The following DZIP3 variants were observed in gnomAD, a reference collection of about 807,000 sequenced individuals.
The protein encoded by DZIP3 is E3 ubiquitin-protein ligase DZIP3.
Under a neutral mutation model 162.0 loss-of-function variants are expected in DZIP3, and 118 were observed. The observed-to-expected ratio is 0.73, with a 90% confidence interval of 0.63 to 0.85. DZIP3 has a LOEUF of 0.85. DZIP3 is among the 40% of genes least tolerant of loss of function. DZIP3 has a pLI of 0.00. For synonymous variants in DZIP3, 438 were observed against 458.6 expected (o/e 0.96, Z 0.57); for missense variants, 1,331 against 1,407.0 (o/e 0.95, Z 0.86).
intron 12 of DZIP3, among the ~76,000 whole-genome samples, chr3:108,641,884 C>G (rs561263621): frequency 1.3e-5 from 2 of 152,260 alleles, no homozygotes; most frequent in South Asian, 2.1e-4. Context: ...ATTTCAAAGC[C>G]AAGCCATCTG....
chr3:108,597,136 C>T (rs941111196), intron 1 of DZIP3, among the ~76,000 whole-genome samples: 36 of 152,172 alleles, frequency 2.4e-4, no homozygotes, highest in African/African-American at 8.7e-4. Flanking sequence ...AATTAATTCT[C>T]CTTTTACAAT....
At chr3:108,603,449 ATC>A (rs1168482585) in intron 1 of DZIP3, among the ~76,000 whole-genome samples, 1 of 152,202 alleles carries the variant, frequency 6.6e-6, no homozygotes. Flanking sequence ...TGTATCTTTC[ATC>A]AGTATTTGAA....
chr3:108,635,140 G>A (rs1025307543), intron 10 of DZIP3, among the ~76,000 whole-genome samples, 168 bp downstream of exon 10: 2 of 150,400 alleles, frequency 1.3e-5, no homozygotes, highest in Admixed American at 1.3e-4. Context: ...AATTCTCTCT[G>A]ATGCTTATCT....
intron 5 of DZIP3, among the ~76,000 whole-genome samples, chr3:108,618,650 A>G (rs755333686): frequency 1.1e-4 from 16 of 152,216 alleles, no homozygotes; most frequent in East Asian, 1.9e-4. Flanking sequence ...ACACACGTCT[A>G]TCTCCACTGA....
chr3:108,660,800 C>CAAAG (rs1241835089), intron 19 of DZIP3, among the ~76,000 whole-genome samples: 1 of 151,472 alleles, frequency 6.6e-6, no homozygotes, highest in East Asian at 1.9e-4. Context: ...AAGAAAAAAA[C>CAAAG]AACCCCATCA....
At chr3:108,653,660 T>C (rs1238098856) in intron 18 of DZIP3, among the ~76,000 whole-genome samples, 1 of 151,702 alleles carries the variant, frequency 6.6e-6, no homozygotes, top group Non-Finnish European at 1.5e-5. Context: ...TTTTACAGTC[T>C]ATTTTATGAT....
intron 4 of DZIP3, among the ~76,000 whole-genome samples, chr3:108,615,122 T>TTTAA (rs1940933433): frequency 6.6e-6 from 1 of 152,348 alleles, no homozygotes; most frequent in South Asian, 2.1e-4. Context: ...AATATGGCAA[T>TTTAA]TACTTTAATG....
chr3:108,677,564 A>G lies in DZIP3; in HGVS notation c.2849A>G (p.Gln950Arg). The G allele has an allele frequency of 1.9e-6, 3 of 1,612,708 alleles. No individual in the cohort carries two copies. Among genetic ancestry groups the G allele is most frequent in the South Asian group, 1.1e-5 (1 of 91,052 alleles). The change falls in exon 26 of 33, where the codon CAG becomes CGG. Residue 950 changes from glutamine (Q) to arginine (R), a missense_variant. Around this residue, in one of 2 missense-constraint regions of DZIP3, gnomAD observed 1,278 missense variants for 1,317.1 expected, o/e 0.97. Coordinates refer to ENST00000361582, the MANE Select transcript of DZIP3 (RefSeq NM_014648.4). Reference protein sequence around the residue: ...GFALSTLPPVQLPPPPPSPEI... With the variant: ...GFALSTLPPVRLPPPPPSPEI... Reference sequence around the variant, plus strand: ...GCCTTGAGTACCTTGCCTCCAGTCCAGCTTCCTCCTCCACCACCCAGTCCT... The same window carrying G: ...GCCTTGAGTACCTTGCCTCCAGTCCGGCTTCCTCCTCCACCACCCAGTCCT...
chr3:108,622,876 C>CTGTG (rs772538913), intron 5 of DZIP3, among the ~76,000 whole-genome samples: 158 of 87,364 alleles, frequency 1.8e-3, no homozygotes, highest in South Asian at 3.3e-3. Context: ...CTCTCTCTCT[C>CTGTG]TCTCTGTGTG....
chr3:108,597,532 A>G (rs942922643), intron 1 of DZIP3, among the ~76,000 whole-genome samples: 3 of 152,184 alleles, frequency 2.0e-5, no homozygotes, highest in Non-Finnish European at 1.5e-5. Context: ...TATTTCTTGA[A>G]GACCTATCTT....
chr3:108,663,327 C>T (rs907439275), intron 21 of DZIP3, among the ~76,000 whole-genome samples: 1 of 152,038 alleles, frequency 6.6e-6, no homozygotes. Flanking sequence ...GAGGCTGAGG[C>T]GGGTGGATCA....
In DZIP3 at chr3:108,688,102, A is replaced by G; in HGVS notation, c.3270+6A>G. ...TTGACCCCAAAAAGTCTCAGGTAAA[A>G]TGCAAAAACAACCAAAAAACCTGTA... On this transcript the variant is annotated splice_donor_region_variant and intron_variant, in intron 29 of 32. Transcript: ENST00000361582. The G allele has an allele frequency of 1.9e-6, 3 of 1,612,726 alleles. No individual in the cohort carries two copies. Among genetic ancestry groups the G allele is most frequent in the South Asian group, 1.1e-5 (1 of 91,002 alleles).
chr3:108,644,385 C>G lies in DZIP3; in HGVS notation c.1363C>G (p.Pro455Ala). The change falls in exon 14 of 33, where the codon CCT (proline) becomes GCT (alanine). Residue 455 changes from proline (P) to alanine (A), a missense_variant. By Grantham distance (27) the Pro-to-Ala change is conservative (BLOSUM62 -1). Transcript: ENST00000361582. ...LGGSWHLLYP[P>A]NKELPQSKQF... ...TGGATCATGGCATCTGCTTTATCCT[C>G]CTAACAAGGAGTTACCGCAATCCAA... The G allele has an allele frequency of 6.2e-7, 1 of 1,614,042 alleles. No homozygotes were observed. The highest frequency in any genetic ancestry group is 1.1e-5 in the South Asian group (1 of 91,072).
chr3:108,651,129 T>C lies in DZIP3; in HGVS notation c.2008-8T>C. 4.2e-6 allele frequency: 3 copies of C among 718,996 alleles called. No individual in the cohort carries two copies. The highest frequency in any genetic ancestry group is 6.0e-6 in the Non-Finnish European group (3 of 500,928). The allele number at this position is 718,996 out of a possible 1,614,324, so 44.5% of individuals were successfully genotyped here. On this transcript the variant is annotated splice_polypyrimidine_tract_variant and splice_region_variant and intron_variant, in intron 17 of 32. Coordinates refer to ENST00000361582, the MANE Select transcript of DZIP3 (RefSeq NM_014648.4). ...ATATAGATTACTAATTCTTATGTTA[T>C]TTTTCAGAATAAAGACTCAAAAGAA...
intron 21 of DZIP3, among the ~76,000 whole-genome samples, chr3:108,662,966 T>A (rs1482585379): frequency 6.6e-6 from 1 of 152,210 alleles, no homozygotes; most frequent in Non-Finnish European, 1.5e-5. Context: ...TCTAGAATGC[T>A]GATAGGGAGA....
At chr3:108,631,399 C>T (rs969598724) in intron 8 of DZIP3, among the ~76,000 whole-genome samples, 5 of 151,688 alleles carry the variant, frequency 3.3e-5, no homozygotes, top group African/African-American at 7.3e-5. Flanking sequence ...TTTTCGGAGA[C>T]AGGTTCTTGC....
rs554425033 is a variant in DZIP3 at position 108,652,437 on chromosome 3, G to C, written c.2033+1275G>C. Among the ~76,000 whole-genome samples, 3 of 151,872 alleles carry C rather than the reference G, an allele frequency of 2.0e-5. No individual in the cohort carries two copies. The South Asian group carries it at 6.2e-4, about 31-fold the overall frequency. ...CCTATATTATCTCAATGCTGTTACTGTATAGTCTTGTACTGCCTAACAACA... is the reference window on the plus strand; with the variant it reads ...CCTATATTATCTCAATGCTGTTACTCTATAGTCTTGTACTGCCTAACAACA... On this transcript the variant is annotated intron_variant, in intron 18 of 32. Coordinates refer to ENST00000361582, the MANE Select transcript of DZIP3 (RefSeq NM_014648.4).
At chr3:108,592,161 G>A (rs1489613554) in intron 1 of DZIP3, among the ~76,000 whole-genome samples, 1 of 152,042 alleles carries the variant, frequency 6.6e-6, no homozygotes, top group African/African-American at 2.4e-5. Flanking sequence ...TTTTGGGGAG[G>A]ATAAGACTGG....
chr3:108,631,055 A>T (rs7613129), intron 8 of DZIP3, among the ~76,000 whole-genome samples: 5,459 of 17,708 alleles, frequency 0.31, 1,242 homozygotes, highest in Non-Finnish European at 0.37. Context: ...ACACACACAC[A>T]CTCTCTCTCT....
Sources: gnomAD v4.1 joint callset for allele counts (sites outside exome capture counted in the v4.1 genomes callset) on GRCh38, gnomAD v4.1.1 for gene constraint, gnomAD v4.1.1 regional missense constraint, MANE v1.5 for transcripts, NCBI Gene and HGNC (gene_info 2026-07-23, HGNC 2026-07-21) for gene names.